ZNF652: variants seen among roughly 807,000 people sequenced by gnomAD.
ZNF652 encodes zinc finger protein 652.
ZNF652 carries 16 observed loss-of-function variants against 45.2 expected under a neutral mutation model. The observed-to-expected ratio is 0.35, with a 90% CI of 0.24 to 0.54. The LOEUF is 0.54. Among genes scored for constraint, ZNF652 ranks in the 20% least tolerant of loss-of-function variants. The probability of loss-of-function intolerance (pLI) is 0.91; values close to 1 mark genes in which losing one functional copy is unlikely to be tolerated. For synonymous variants in ZNF652, 250 were observed against 260.6 expected, an observed-to-expected ratio of 0.96 and a Z score of 0.39; for missense variants, 614 against 765.6, an observed-to-expected ratio of 0.80 and a Z score of 2.34.
chr17:49,305,838 C>G (rs891285132), intron 5 of ZNF652, among the ~76,000 whole-genome samples: 107 of 152,132 alleles, frequency 7.0e-4, no homozygotes, highest in African/African-American at 2.5e-3. Context: ...GGCTGGTCAC[C>G]CTTCCTAGAT....
intron 1 of ZNF652, among the ~76,000 whole-genome samples, chr17:49,322,868 G>C (rs1231921987): frequency 6.6e-6 from 1 of 152,190 alleles, no homozygotes; most frequent in Non-Finnish European, 1.5e-5. Flanking sequence ...CTGGGTGACA[G>C]AGCAAGACTC....
At chr17:49,301,317 G>A (rs533151584) in intron 5 of ZNF652, among the ~76,000 whole-genome samples, 6 of 151,468 alleles carry the variant, frequency 4.0e-5, no homozygotes, top group South Asian at 2.1e-4. Context: ...TTTTTGAGTC[G>A]GAGTCTTGCT....
At chr17:49,337,254 C>T (rs1396459859) in intron 1 of ZNF652, among the ~76,000 whole-genome samples, 3 of 149,874 alleles carry the variant, frequency 2.0e-5, no homozygotes, top group Admixed American at 1.3e-4. Context: ...GAGGATCACT[C>T]GAGCCCGAGA....
chr17:49,317,625 G>A lies in ZNF652; in HGVS notation c.101C>T (p.Ser34Phe). ...QEDSRRGQVP[S>F]SFYHGANQEL... is the part of the protein sequence containing the mutation. ...TTGGTTGGCACCATGATAAAAGGAAGATGGCACTTGACCACGACGGCTATC... is the reference window on the plus strand; with the variant it reads ...TTGGTTGGCACCATGATAAAAGGAAAATGGCACTTGACCACGACGGCTATC... The change falls in exon 2 of 6, where the codon TCT becomes TTT. Residue 34 changes from serine (S) to phenylalanine (F), a missense_variant. By Grantham distance (155) the Ser-to-Phe change is radical. Transcript: ENST00000430262. 6.2e-7 allele frequency: 1 copy of A among 1,614,110 alleles called. No individual in the cohort carries two copies. The highest frequency in any genetic ancestry group is 8.5e-7 in the Non-Finnish European group (1 of 1,179,974).
In ZNF652 at chr17:49,297,226, T is replaced by A. The variant is rs773048215; in HGVS notation, c.*1187A>T. ...TTAAGTTTACTATTTTAGCTTCTTA[T>A]AACAATTCTAGAAAAATAAAGCAAC... On this transcript the variant is annotated 3_prime_UTR_variant, in exon 6 of 6. Transcript: ENST00000430262. 6.6e-6 allele frequency: 1 copy of A among 152,462 alleles called. No individual in the cohort carries two copies. The highest frequency in any genetic ancestry group is 1.5e-5 in the Non-Finnish European group (1 of 68,034). The allele number at this position is 152,462 out of a possible 1,614,324, so 9.4% of individuals were successfully genotyped here.
chr17:49,356,459 C>CCA (rs2070338309), intron 1 of ZNF652, among the ~76,000 whole-genome samples: 1 of 123,116 alleles, frequency 8.1e-6, no homozygotes, highest in Non-Finnish European at 1.6e-5. Flanking sequence ...AAATCAAAAC[C>CCA]AAAAAAAAAA....
chr17:49,348,870 C>T (rs1353490481), intron 1 of ZNF652, among the ~76,000 whole-genome samples: 1 of 152,098 alleles, frequency 6.6e-6, no homozygotes, highest in African/African-American at 2.4e-5. Flanking sequence ...ATGGAACTGC[C>T]AAGTTATCCC....
chr17:49,303,826 GT>G (rs905910459), intron 5 of ZNF652, among the ~76,000 whole-genome samples: 4 of 151,856 alleles, frequency 2.6e-5, no homozygotes, highest in Non-Finnish European at 4.4e-5. Flanking sequence ...GGATGTTTAG[GT>G]TTTTTATGTG....
In ZNF652 at chr17:49,349,492, G is replaced by A. The variant is rs1198954443; in HGVS notation, c.-259+12417C>T. Among the ~76,000 whole-genome samples the A allele has an allele frequency of 2.0e-5, 3 of 152,194 alleles. 1 individual carries two copies. Among genetic ancestry groups the A allele is most frequent in the South Asian group, 2.1e-4 (1 of 4,828 alleles). On this transcript the variant is annotated intron_variant, in intron 1 of 5. Transcript: ENST00000430262. ...GGGATTCTTTGCATTGGTAAGTGTA[G>A]AGTGAAAGATACCCAAGTACTACCT...
chr17:49,321,422 CTTTTTTT>C (rs11350404), intron 1 of ZNF652, among the ~76,000 whole-genome samples: 8 of 73,230 alleles, frequency 1.1e-4, no homozygotes, highest in Admixed American at 6.3e-4. Context: ...CACCACCACG[CTTTTTTT>C]TTTTTTTTTT....
intron 4 of ZNF652, among the ~76,000 whole-genome samples, chr17:49,311,726 T>C (rs1032966187): frequency 3.3e-5 from 5 of 152,186 alleles, no homozygotes; most frequent in African/African-American, 1.2e-4. Context: ...GTTAACCTAA[T>C]CTAAGAGAGT....
chr17:49,354,396 A>G (rs564343059), intron 1 of ZNF652, among the ~76,000 whole-genome samples: 1 of 152,090 alleles, frequency 6.6e-6, no homozygotes, highest in Non-Finnish European at 1.5e-5. Context: ...TCTTTGTAGA[A>G]TAACCTTTCA....
chr17:49,330,367 A>G (rs753744740), intron 1 of ZNF652, among the ~76,000 whole-genome samples: 7 of 152,178 alleles, frequency 4.6e-5, no homozygotes, highest in Non-Finnish European at 1.0e-4. Context: ...ATCTCAGCTC[A>G]CTGCAATCTC....
chr17:49,312,881 C>A, intron 2 of ZNF652, 36 bp from the exon 3 acceptor site: 3 of 1,594,348 alleles, frequency 1.9e-6, no homozygotes, highest in Non-Finnish European at 2.6e-6. Flanking sequence ...TTTATAGGGG[C>A]TTACAGCATG....
At chr17:49,314,499 C>T (rs2069770157) in intron 2 of ZNF652, among the ~76,000 whole-genome samples, 1 of 152,056 alleles carries the variant, frequency 6.6e-6, no homozygotes, top group Non-Finnish European at 1.5e-5. Flanking sequence ...TTTTTTTAGT[C>T]TAAACTTTAA....
chr17:49,349,254 T>A (rs1464794241), intron 1 of ZNF652, among the ~76,000 whole-genome samples: 1 of 152,130 alleles, frequency 6.6e-6, no homozygotes, highest in Admixed American at 6.6e-5. Flanking sequence ...AAACTTTGTC[T>A]CTACTAAAAA....
Position 49,297,915 on chromosome 17 carries a change from A to G in ZNF652, c.*498T>C, listed in dbSNP as rs946185127. On this transcript the variant is annotated 3_prime_UTR_variant, in exon 6 of 6. Coordinates refer to ENST00000430262, the MANE Select transcript of ZNF652 (RefSeq NM_001145365.3). ...AAGAAAATTTCTGTCTTTCTCTATA[A>G]TGCTTGATATACTGTGAAACATGGC... 1.9e-5 allele frequency: 3 copies of G among 156,508 alleles called. No individual in the cohort carries two copies. The highest frequency in any genetic ancestry group is 4.8e-5 in the African/African-American group (2 of 41,470). The allele number at this position is 156,508 out of a possible 1,614,324, so 9.7% of individuals were successfully genotyped here. A position where few individuals can be genotyped will look rare whatever the true frequency, so the allele number is the denominator to read the frequency against.
At chr17:49,361,464 C>T (rs563089722) in intron 1 of ZNF652, among the ~76,000 whole-genome samples, 365 of 152,272 alleles carry the variant, frequency 2.4e-3, no homozygotes, top group Middle Eastern at 0.014. Context: ...CGGCACAATA[C>T]TCCCGGGGGT....
intron 1 of ZNF652, among the ~76,000 whole-genome samples, chr17:49,347,735 G>GTTTTTTTTTTTTTTT (rs1567698709): frequency 8.0e-6 from 1 of 124,410 alleles, no homozygotes. Context: ...TTGAACCTTG[G>GTTTTTTTTTTTTTTT]TTTTGTTTTT....
Sources: gnomAD v4.1 joint callset for allele counts (sites outside exome capture counted in the v4.1 genomes callset) on GRCh38, gnomAD v4.1.1 for gene constraint, MANE v1.5 for transcripts, NCBI Gene and HGNC (gene_info 2026-07-23, HGNC 2026-07-21) for gene names.